RPS6KA2: variants seen among roughly 807,000 people sequenced by gnomAD.
RPS6KA2 encodes the protein ribosomal protein S6 kinase A2, also known as ribosomal protein S6 kinase alpha-2.
RPS6KA2 carries 42 observed loss-of-function variants against 91.8 expected under a neutral mutation model. The ratio of observed to expected loss-of-function variants is 0.46; its 90% CI spans 0.36 to 0.59. The LOEUF (loss-of-function observed/expected upper bound fraction) is 0.59. Among genes scored for constraint, RPS6KA2 ranks in the 20% least tolerant of loss-of-function variants. The probability of loss-of-function intolerance (pLI) is 0.00; values close to 1 mark genes in which losing one functional copy is unlikely to be tolerated. For missense variants in RPS6KA2, 798 were observed against 978.5 expected (o/e 0.82, Z 2.46); for synonymous variants, 414 against 393.6 (o/e 1.05, Z -0.61).
intron 2 of RPS6KA2, among the ~76,000 whole-genome samples, chr6:166,687,685 T>G (rs2128569478): frequency 6.6e-6 from 1 of 152,350 alleles, no homozygotes; most frequent in South Asian, 2.1e-4. Flanking sequence ...GAACTTTGAT[T>G]TTCTGTGCTG....
chr6:166,536,269 G>A (rs890788729), intron 2 of RPS6KA2, among the ~76,000 whole-genome samples: 2 of 152,212 alleles, frequency 1.3e-5, no homozygotes, highest in Admixed American at 1.3e-4. Flanking sequence ...GCAGGAGGTG[G>A]AAACCTGAAG....
intron 16 of RPS6KA2, among the ~76,000 whole-genome samples, chr6:166,427,328 A>G (rs1778961121): frequency 6.6e-6 from 1 of 152,240 alleles, no homozygotes; most frequent in African/African-American, 2.4e-5. Flanking sequence ...ATCGATGACA[A>G]ACCCACAGCC....
intron 2 of RPS6KA2, among the ~76,000 whole-genome samples, chr6:166,744,139 G>A (rs1255384753): frequency 6.6e-6 from 1 of 152,126 alleles, no homozygotes; most frequent in Non-Finnish European, 1.5e-5. Flanking sequence ...CGCTAGTGTG[G>A]TCACTCCCTT....
intron 11 of RPS6KA2, among the ~76,000 whole-genome samples, chr6:166,466,867 CTCAT>C (rs1183322241): frequency 6.6e-6 from 1 of 151,530 alleles, no homozygotes; most frequent in Non-Finnish European, 1.5e-5. Flanking sequence ...GACTCCCTTA[CTCAT>C]TCACTCACTC....
At chr6:166,861,298 G>C (rs1300574766) in intron 1 of RPS6KA2, among the ~76,000 whole-genome samples, 1 of 152,220 alleles carries the variant, frequency 6.6e-6, no homozygotes, top group East Asian at 1.9e-4. Flanking sequence ...TTTGGTGAGT[G>C]ATTACAAATG....
intron 1 of RPS6KA2, among the ~76,000 whole-genome samples, chr6:166,546,116 C>T (rs955496951): frequency 1.3e-5 from 2 of 152,270 alleles, no homozygotes; most frequent in Non-Finnish European, 1.5e-5. Context: ...TGAAAATTAT[C>T]TTCAATGATT....
intron 3 of RPS6KA2, among the ~76,000 whole-genome samples, chr6:166,523,928 G>A (rs551269051): frequency 6.6e-6 from 1 of 152,318 alleles, no homozygotes; most frequent in African/African-American, 2.4e-5. Context: ...ACTACACACA[G>A]CTCTGCATTC....
rs1277027503 is a variant in RPS6KA2 at position 166,849,572 on chromosome 6, C to G, written c.123+8628G>C. ...TGACAGTGGAGGACCCCAGGCCACC[C>G]CCGCCCGTGGAAATCCATGAGACCG... On this transcript the variant is annotated intron_variant, in intron 2 of 21. Coordinates refer to the RPS6KA2 transcript ENST00000503859. The surrounding 1 kb of genome is among the most constrained non-coding windows in gnomAD (Gnocchi z 4.9). Among the ~76,000 whole-genome samples the G allele has an allele frequency of 6.6e-6, 1 of 152,118 alleles. No homozygotes were observed. Among genetic ancestry groups the G allele is most frequent in the Non-Finnish European group, 1.5e-5 (1 of 68,028 alleles).
chr6:166,567,025 C>T (rs117562036), intron 1 of RPS6KA2, among the ~76,000 whole-genome samples: 3,531 of 152,298 alleles, frequency 0.023, 54 homozygotes, highest in Non-Finnish European at 0.037. Flanking sequence ...GTTGCAAATA[C>T]GCTGAAAACA....
chr6:166,503,722 G>T (rs901556126), intron 6 of RPS6KA2, among the ~76,000 whole-genome samples: 9 of 152,190 alleles, frequency 5.9e-5, no homozygotes, highest in Non-Finnish European at 1.5e-5. Flanking sequence ...TTTCTAAGTG[G>T]ATCACTCCTA....
intron 1 of RPS6KA2, among the ~76,000 whole-genome samples, chr6:166,609,657 T>G (rs1479128777): frequency 1.3e-5 from 2 of 151,818 alleles, no homozygotes; most frequent in Non-Finnish European, 1.5e-5. Flanking sequence ...ATGCCACCAC[T>G]CCCAGCTAAT....
intron 10 of RPS6KA2, among the ~76,000 whole-genome samples, chr6:166,485,167 G>A (rs933807795): frequency 1.1e-4 from 16 of 152,242 alleles, no homozygotes; most frequent in Non-Finnish European, 2.9e-5. Context: ...CATAGAGAAT[G>A]AGGGGAGGAG....
chr6:166,593,950 T>C (rs1554233095), intron 1 of RPS6KA2, among the ~76,000 whole-genome samples: 1 of 152,252 alleles, frequency 6.6e-6, no homozygotes, highest in Non-Finnish European at 1.5e-5. Context: ...AGAACTATTC[T>C]GTTCATGCCA....
At chr6:166,535,407 T>C (rs1301575038) in intron 2 of RPS6KA2, among the ~76,000 whole-genome samples, 1 of 152,220 alleles carries the variant, frequency 6.6e-6, no homozygotes, top group African/African-American at 2.4e-5. Context: ...AAGGAAGACA[T>C]TTAAAGACAT....
intron 2 of RPS6KA2, among the ~76,000 whole-genome samples, chr6:166,771,271 C>A (rs575493672): frequency 2.6e-5 from 4 of 152,328 alleles, no homozygotes; most frequent in African/African-American, 9.6e-5. Context: ...GACGAGCAGG[C>A]AAATGCTTTC....
chr6:166,770,839 C>G lies in RPS6KA2; in HGVS notation c.123+87361G>C. The G allele has an allele frequency of 6.4e-7, 1 of 1,573,058 alleles. No individual in the cohort carries two copies. Among genetic ancestry groups the G allele is most frequent in the South Asian group, 1.2e-5 (1 of 86,108 alleles). On this transcript the variant is annotated intron_variant, in intron 2 of 21. Coordinates refer to the RPS6KA2 transcript ENST00000503859. The surrounding 1 kb of genome is among the most constrained non-coding windows in gnomAD (Gnocchi z 5.1). Reference sequence around the variant, plus strand: ...TAACTCACATAAGCATGGAAAAAAACAAACCCACAGGAACGCTTCTTACCT... The same window carrying G: ...TAACTCACATAAGCATGGAAAAAAAGAAACCCACAGGAACGCTTCTTACCT...
chr6:166,729,252 A>G (rs1486242232), intron 2 of RPS6KA2, among the ~76,000 whole-genome samples: 5 of 152,238 alleles, frequency 3.3e-5, no homozygotes, highest in Admixed American at 2.6e-4. Context: ...GGCTGCCTAC[A>G]AGCCCTGGTG....
At chr6:166,697,426 G>A (rs1789390095) in intron 2 of RPS6KA2, among the ~76,000 whole-genome samples, 3 of 152,224 alleles carry the variant, frequency 2.0e-5, no homozygotes, top group Admixed American at 2.0e-4. Flanking sequence ...CATGGGGCTA[G>A]GTTCAGATCA....
chr6:166,789,702 C>G (rs1224742020), intron 2 of RPS6KA2, among the ~76,000 whole-genome samples: 1 of 152,196 alleles, frequency 6.6e-6, no homozygotes, highest in African/African-American at 2.4e-5. Context: ...ATTTGTGGGT[C>G]ACCAATATCC....
Sources: allele counts gnomAD v4.1 joint callset (sites outside exome capture counted in the v4.1 genomes callset), GRCh38; gene constraint gnomAD v4.1.1; non-coding constraint Gnocchi (gnomAD v3.1); transcripts MANE v1.5; gene names NCBI Gene and HGNC (gene_info 2026-07-23, HGNC 2026-07-21).